Variants in CDH12 observed in about 807,000 individuals in gnomAD.
CDH12 encodes the protein cadherin-12.
Under a neutral mutation model 74.1 loss-of-function variants are expected in CDH12, and 41 were observed. That is an observed-to-expected ratio of 0.55 (90% CI 0.43 to 0.72). The LOEUF (loss-of-function observed/expected upper bound fraction) is 0.72. Among genes scored for constraint, CDH12 ranks in the 30% least tolerant of loss-of-function variants. The pLI is 0.00. For synonymous variants in CDH12, 399 were observed against 355.0 expected (o/e 1.12, Z -1.39); for missense variants, 945 against 977.2 (o/e 0.97, Z 0.44).
intron 1 of CDH12, among the ~76,000 whole-genome samples, chr5:22,738,506 TTA>T (rs1411283674): frequency 6.6e-6 from 1 of 152,040 alleles, no homozygotes; most frequent in Admixed American, 6.6e-5. Flanking sequence ...AGCAAGCTAG[TTA>T]CCTTGTATAC....
intron 2 of CDH12, among the ~76,000 whole-genome samples, chr5:22,480,696 A>C (rs775695024): frequency 6.6e-6 from 1 of 152,188 alleles, no homozygotes; most frequent in Non-Finnish European, 1.5e-5. Context: ...GCTTTTCCTC[A>C]AACAAGTTTC....
chr5:22,341,456 G>C (rs1023580700), intron 3 of CDH12, among the ~76,000 whole-genome samples: 2 of 152,220 alleles, frequency 1.3e-5, no homozygotes, highest in African/African-American at 2.4e-5. Flanking sequence ...ACTTCTGACA[G>C]AGGGGTTGTG....
chr5:21,991,363 G>T (rs1757741438), intron 5 of CDH12, among the ~76,000 whole-genome samples: 1 of 151,514 alleles, frequency 6.6e-6, no homozygotes, highest in Admixed American at 6.6e-5. Flanking sequence ...ACACAGATTT[G>T]TGCATGTGTA....
chr5:22,372,758 G>A (rs1741351124), intron 3 of CDH12, among the ~76,000 whole-genome samples: 1 of 152,100 alleles, frequency 6.6e-6, no homozygotes. Context: ...CAGGTGGTGG[G>A]CCCACGGCTG....
At chr5:22,640,127 A>T (rs1739069418) in intron 1 of CDH12, among the ~76,000 whole-genome samples, 1 of 152,148 alleles carries the variant, frequency 6.6e-6, no homozygotes, top group Admixed American at 6.5e-5. Context: ...GTGAAACCAT[A>T]TCTTCATTTC....
intron 2 of CDH12, among the ~76,000 whole-genome samples, chr5:22,424,002 C>CAGAAAAAAAAAAAAAAAAAAA (rs1743776247): frequency 3.2e-5 from 1 of 31,226 alleles, no homozygotes; most frequent in Admixed American, 4.8e-4. Flanking sequence ...GACTCTGTCT[C>CAGAAAAAAAAAAAAAAAAAAA]AAAAAAAAAA....
At position 21,989,568 on chromosome 5, in the gene CDH12, C is replaced by T. The variant is rs116483396; in HGVS notation, c.232-14183G>A. Among the ~76,000 whole-genome samples the T allele has an allele frequency of 2.6e-5, 4 of 152,056 alleles. No homozygotes were observed. The East Asian group carries it at 5.8e-4, about 22-fold the overall frequency. ...GCTGCCTTCCTGACTCACTCTGTAC[C>T]CCCCATTGCCTCTCCCTGAGTTTAA... On this transcript the variant is annotated intron_variant, in intron 5 of 14. Coordinates refer to ENST00000382254, the MANE Select transcript of CDH12 (RefSeq NM_004061.5).
chr5:22,795,818 A>G (rs1401374086), intron 1 of CDH12, among the ~76,000 whole-genome samples: 1 of 151,992 alleles, frequency 6.6e-6, no homozygotes, highest in Non-Finnish European at 1.5e-5. Context: ...AATTGGTATC[A>G]AAATAGTAGA....
chr5:22,742,503 C>T (rs374980202), intron 1 of CDH12, among the ~76,000 whole-genome samples: 27 of 152,098 alleles, frequency 1.8e-4, no homozygotes, highest in African/African-American at 5.5e-4. Flanking sequence ...AAATAGTAGA[C>T]GAAAAATGGG....
chr5:22,417,122 A>G (rs1743427543), intron 2 of CDH12, among the ~76,000 whole-genome samples: 1 of 152,204 alleles, frequency 6.6e-6, no homozygotes, highest in Non-Finnish European at 1.5e-5. Flanking sequence ...GAAAATGTTT[A>G]TTTAAAACAA....
chr5:21,966,248 A>G (rs1423183265), intron 6 of CDH12, among the ~76,000 whole-genome samples: 1 of 147,894 alleles, frequency 6.8e-6, no homozygotes. Flanking sequence ...TGTTGGCCTT[A>G]CCTTAATCTC....
chr5:22,374,043 C>T (rs976677136), intron 3 of CDH12, among the ~76,000 whole-genome samples: 6 of 152,026 alleles, frequency 3.9e-5, no homozygotes, highest in Non-Finnish European at 7.4e-5. Context: ...CTGATGAACA[C>T]AGATGCAAAA....
chr5:22,342,582 C>T (rs1479271510), intron 3 of CDH12, among the ~76,000 whole-genome samples: 1 of 104,674 alleles, frequency 9.6e-6, no homozygotes, highest in Non-Finnish European at 2.0e-5. Context: ...CTCCCTCCAT[C>T]CTTCCTTCCT....
intron 8 of CDH12, among the ~76,000 whole-genome samples, chr5:21,820,110 GA>G (rs1420141188): frequency 2.6e-5 from 4 of 151,876 alleles, no homozygotes; most frequent in African/African-American, 4.8e-5. Flanking sequence ...TTAAAGCATT[GA>G]AAGGTAATCC....
chr5:22,177,127 AT>A (rs1372482485), intron 4 of CDH12, among the ~76,000 whole-genome samples: 3 of 152,108 alleles, frequency 2.0e-5, no homozygotes, highest in Non-Finnish European at 2.9e-5. Flanking sequence ...TGAAACAGGG[AT>A]TTTGACTTCC....
intron 1 of CDH12, among the ~76,000 whole-genome samples, chr5:22,744,471 G>A (rs1229986039): frequency 2.6e-5 from 4 of 151,890 alleles, no homozygotes; most frequent in Admixed American, 6.6e-5. Flanking sequence ...ATCATACAAT[G>A]CGTAAATGTG....
chr5:21,881,287 G>A (rs1752342751), intron 6 of CDH12, among the ~76,000 whole-genome samples: 2 of 152,170 alleles, frequency 1.3e-5, no homozygotes, highest in African/African-American at 4.8e-5. Flanking sequence ...CTATTACAAT[G>A]TGTCAAACAT....
At chr5:22,044,306 G>C (rs944822164) in intron 5 of CDH12, among the ~76,000 whole-genome samples, 1 of 152,080 alleles carries the variant, frequency 6.6e-6, no homozygotes, top group African/African-American at 2.4e-5. Context: ...CCTAAGACTG[G>C]GTAATTTATA....
At chr5:22,053,348 T>G (rs571611561) in intron 5 of CDH12, among the ~76,000 whole-genome samples, 1 of 152,254 alleles carries the variant, frequency 6.6e-6, no homozygotes, top group East Asian at 1.9e-4. Context: ...ATCATGAGGA[T>G]GAATAATGTG....
Sources: gnomAD v4.1 joint callset for allele counts (sites outside exome capture counted in the v4.1 genomes callset) on GRCh38, gnomAD v4.1.1 for gene constraint, MANE v1.5 for transcripts, NCBI Gene and HGNC (gene_info 2026-07-23, HGNC 2026-07-21) for gene names.